Variants in UNC5D observed in about 807,000 individuals in gnomAD.
The protein encoded by UNC5D is unc-5 netrin receptor D.
A neutral mutation model predicts 105.4 loss-of-function variants in UNC5D; 39 were observed. That is an observed-to-expected ratio of 0.37 (90% CI 0.29 to 0.48). UNC5D has a LOEUF of 0.48. Ranked by LOEUF, UNC5D falls within the 20% of genes least tolerant of loss-of-function variation. The pLI, the probability that UNC5D is intolerant of heterozygous loss-of-function variation, is 0.98. For synonymous variants in UNC5D, 452 were observed against 450.4 expected (o/e 1.00, Z -0.04); for missense variants, 991 against 1,202.4 (o/e 0.82, Z 2.60).
rs189487920 is a variant in UNC5D at position 35,258,911 on chromosome 8, G to A, written c.103+23024G>A. Among the ~76,000 whole-genome samples the A allele has an allele frequency of 3.2e-3, 488 of 152,174 alleles. 3 individuals are homozygous for A. The highest frequency in any genetic ancestry group is 0.011 in the African/African-American group (475 of 41,510). On this transcript the variant is annotated intron_variant, in intron 1 of 16. Coordinates refer to ENST00000404895, the MANE Select transcript of UNC5D (RefSeq NM_080872.4). ...TGATCTGTGTGGTGAATTTTGAGTG[G>A]GAATCATGCAGAGAAGGTTTGAGAG...
chr8:35,293,365 A>G (rs1280825916), intron 1 of UNC5D, among the ~76,000 whole-genome samples: 1 of 152,220 alleles, frequency 6.6e-6, no homozygotes, highest in African/African-American at 2.4e-5. Context: ...AAGGGTTTAT[A>G]GCATAAAAGA....
chr8:35,292,907 C>T (rs1462410187), intron 1 of UNC5D, among the ~76,000 whole-genome samples: 1 of 151,780 alleles, frequency 6.6e-6, no homozygotes, highest in Non-Finnish European at 1.5e-5. Flanking sequence ...CCAGGGTGGT[C>T]TTGAACTCCT....
chr8:35,739,762 T>G (rs1290059836), intron 11 of UNC5D, among the ~76,000 whole-genome samples: 1 of 152,210 alleles, frequency 6.6e-6, no homozygotes, highest in African/African-American at 2.4e-5. Flanking sequence ...AAATAACCTG[T>G]CCTATTAAGA....
At chr8:35,263,950 T>C (rs755563659) in intron 1 of UNC5D, among the ~76,000 whole-genome samples, 3 of 152,360 alleles carry the variant, frequency 2.0e-5, no homozygotes, top group Non-Finnish European at 4.4e-5. Flanking sequence ...CAGAAAATAA[T>C]GCACTCATGA....
intron 1 of UNC5D, among the ~76,000 whole-genome samples, chr8:35,426,829 C>T (rs777208497): frequency 2.0e-5 from 3 of 152,088 alleles, no homozygotes; most frequent in Non-Finnish European, 1.5e-5. Context: ...GCAGAGCTAA[C>T]GGAGTATTTA....
At chr8:35,321,054 A>G (rs541427308) in intron 1 of UNC5D, among the ~76,000 whole-genome samples, 2 of 152,230 alleles carry the variant, frequency 1.3e-5, no homozygotes, top group African/African-American at 2.4e-5. Context: ...TCTTGTAGCA[A>G]TCCTCAACCT....
At chr8:35,661,307 G>A (rs1824088560) in intron 4 of UNC5D, among the ~76,000 whole-genome samples, 1 of 151,990 alleles carries the variant, frequency 6.6e-6, no homozygotes, top group African/African-American at 2.4e-5. Flanking sequence ...ATAATGGGAA[G>A]TCCTTTGCTG....
chr8:35,780,982 A>G (rs1802477059), intron 16 of UNC5D, among the ~76,000 whole-genome samples: 1 of 152,228 alleles, frequency 6.6e-6, no homozygotes. Context: ...AAGTTTTATT[A>G]CCTGGTTCTA....
At chr8:35,716,189 C>A (rs570822442) in intron 8 of UNC5D, among the ~76,000 whole-genome samples, 1 of 152,256 alleles carries the variant, frequency 6.6e-6, no homozygotes, top group South Asian at 2.1e-4. Flanking sequence ...GTGTTCAAAG[C>A]CTGACTTTGC....
intron 1 of UNC5D, among the ~76,000 whole-genome samples, chr8:35,401,341 G>T: frequency 6.6e-6 from 1 of 152,078 alleles, no homozygotes; most frequent in Non-Finnish European, 1.5e-5. Context: ...AAAATTAGCC[G>T]GGCATAGTGG....
intron 1 of UNC5D, among the ~76,000 whole-genome samples, chr8:35,359,760 G>C (rs1368658875): frequency 6.6e-6 from 1 of 152,002 alleles, no homozygotes; most frequent in Non-Finnish European, 1.5e-5. Flanking sequence ...TTTATATGAG[G>C]ATTCAAAATT....
intron 1 of UNC5D, among the ~76,000 whole-genome samples, chr8:35,306,238 T>C (rs964315308): frequency 1.8e-4 from 27 of 152,080 alleles, no homozygotes; most frequent in Admixed American, 1.6e-3. Context: ...TGCGCGTGTG[T>C]GTGTCCTCTG....
rs758560702 is a variant in UNC5D at position 35,722,364 on chromosome 8, C to T, written c.1272C>T (p.Phe424=). The T allele has an allele frequency of 3.1e-6, 5 of 1,613,922 alleles. No homozygotes were observed. In the African/African-American group the frequency reaches 6.7e-5, roughly 22 times the overall value. The change falls in exon 9 of 17, where the codon TTC becomes TTT. Residue 424 remains phenylalanine, a synonymous_variant. Coordinates refer to ENST00000404895, the MANE Select transcript of UNC5D (RefSeq NM_080872.4). The stretch of plus-strand genomic sequence containing the variant: ...ACTCTTCTGCATTGACAGGTGGCTT[C>T]CAGACCTTCAACTTCAAAACAGTCC... ...VIDSSALTGG[F]QTFNFKTVRQ... is the part of the protein sequence containing the mutation.
intron 2 of UNC5D, among the ~76,000 whole-genome samples, chr8:35,554,707 A>T (rs578134962): frequency 1.3e-3 from 200 of 152,344 alleles, no homozygotes; most frequent in Admixed American, 2.2e-3. Flanking sequence ...TTATTGTTCA[A>T]TAAAAATAGG....
At chr8:35,398,953 C>T (rs940204241) in intron 1 of UNC5D, among the ~76,000 whole-genome samples, 4 of 151,766 alleles carry the variant, frequency 2.6e-5, no homozygotes, top group Non-Finnish European at 1.5e-5. Context: ...CTCAGGAGTT[C>T]GAGACCAGCC....
At chr8:35,483,982 G>A (rs1248030860) in intron 1 of UNC5D, among the ~76,000 whole-genome samples, 1 of 152,192 alleles carries the variant, frequency 6.6e-6, no homozygotes, top group Non-Finnish European at 1.5e-5. Context: ...GTGAGGAGAT[G>A]AGGGGCTTCT....
intron 15 of UNC5D, among the ~76,000 whole-genome samples, chr8:35,769,998 T>A (rs1030692922): frequency 2.0e-5 from 3 of 152,104 alleles, no homozygotes; most frequent in African/African-American, 7.2e-5. Context: ...CTAAAATGAC[T>A]TAATTTTTTG....
chr8:35,366,244 G>C (rs1802118909), intron 1 of UNC5D, among the ~76,000 whole-genome samples: 1 of 151,866 alleles, frequency 6.6e-6, no homozygotes, highest in Non-Finnish European at 1.5e-5. Context: ...TTTTTTCACT[G>C]TTTTTCCTTG....
intron 12 of UNC5D, 143 bp downstream of exon 12, chr8:35,748,838 A>G: frequency 1.2e-6 from 1 of 851,722 alleles, no homozygotes; most frequent in Non-Finnish European, 1.7e-6. Flanking sequence ...TATCCTAAAC[A>G]TATTGGCTAG....
Sources: allele counts gnomAD v4.1 joint callset (sites outside exome capture counted in the v4.1 genomes callset), GRCh38; gene constraint gnomAD v4.1.1; transcripts MANE v1.5; gene names NCBI Gene and HGNC (gene_info 2026-07-23, HGNC 2026-07-21).